The following CCDC73 variants were observed in gnomAD, a reference collection of about 807,000 sequenced individuals.
CCDC73 encodes the protein coiled-coil domain containing 73.
CCDC73 carries 95 observed loss-of-function variants against 116.5 expected under a neutral mutation model. That is an observed-to-expected ratio of 0.82 (90% CI 0.69 to 0.97). The LOEUF is 0.97. CCDC73 is among the 50% of genes least tolerant of loss of function. CCDC73 has a pLI of 0.00. For synonymous variants in CCDC73, 398 were observed against 401.3 expected, an observed-to-expected ratio of 0.99 and a Z score of 0.10; for missense variants, 1,066 against 1,206.8, an observed-to-expected ratio of 0.88 and a Z score of 1.73.
In CCDC73 at chr11:32,738,164, G is replaced by A. The variant is rs559647961; in HGVS notation, c.136-20017C>T. ...CTGTGAATAGTGCTACAATAAACAC[G>A]GGAGTACAGATATCTCTTTGATACA... On this transcript the variant is annotated intron_variant, in intron 2 of 17. Coordinates refer to ENST00000335185, the MANE Select transcript of CCDC73 (RefSeq NM_001008391.4). Among the ~76,000 whole-genome samples the A allele has an allele frequency of 1.1e-4, 17 of 152,290 alleles. No homozygotes were observed. The South Asian group carries it at 2.9e-3, about 26-fold the overall frequency.
chr11:32,795,811 TC>T (rs1987936879), upstream of CCDC73, among the ~76,000 whole-genome samples: 1 of 151,780 alleles, frequency 6.6e-6, no homozygotes, highest in East Asian at 1.9e-4. Context: ...TGCCTCAGCC[TC>T]CCGAGTAGCT....
chr11:32,760,235 G>T lies in CCDC73; in HGVS notation c.9C>A (p.Ser3Arg), dbSNP rs1185903877. 1 of 1,554,212 alleles carries T rather than the reference G, an allele frequency of 6.4e-7. No homozygotes were observed. Among genetic ancestry groups the T allele is most frequent in the African/African-American group, 1.4e-5 (1 of 72,116 alleles). The change falls in exon 2 of 18, where the codon AGC becomes AGA. Residue 3 changes from serine to arginine, a missense_variant. Physicochemically the swap from Ser to Arg is moderately radical, Grantham distance 110. Coordinates refer to ENST00000335185, the MANE Select transcript of CCDC73 (RefSeq NM_001008391.4). ...TAGATGATGACTCAGTATTGAAGTT[G>T]CTTTCCATATTAATATTTATTTCCT... ME[S>R]NFNTESSSTF... is the part of the protein sequence containing the mutation.
chr11:32,712,445 G>C (rs1260578232), intron 3 of CCDC73, among the ~76,000 whole-genome samples: 1 of 152,000 alleles, frequency 6.6e-6, no homozygotes, highest in African/African-American at 2.4e-5. Flanking sequence ...AATAAGCATT[G>C]AAGTGATGGA....
At chr11:32,820,501 T>C in the CCDC73 span, among the ~76,000 whole-genome samples, 4 of 152,142 alleles carry the variant, frequency 2.6e-5, no homozygotes, top group Non-Finnish European at 5.9e-5. Context: ...AATATAGAAA[T>C]AGCTGAAGAG....
chr11:32,762,683 G>A (rs1051595959), intron 1 of CCDC73, among the ~76,000 whole-genome samples: 2 of 152,166 alleles, frequency 1.3e-5, no homozygotes, highest in African/African-American at 4.8e-5. Flanking sequence ...CTCCCAGCAT[G>A]AGCGACGCAG....
chr11:32,693,830 T>C (rs1001685856), intron 6 of CCDC73, among the ~76,000 whole-genome samples: 1 of 152,224 alleles, frequency 6.6e-6, no homozygotes, highest in South Asian at 2.1e-4. Context: ...ATTATCTCAA[T>C]AGATGCAGAA....
At chr11:32,794,789 G>A (rs954239455), upstream of CCDC73, 1 of 152,136 alleles carries the variant, frequency 6.6e-6, no homozygotes, top group African/African-American at 2.4e-5. Flanking sequence ...AAGATACCTG[G>A]ATATTTGATG....
intron 9 of CCDC73, among the ~76,000 whole-genome samples, chr11:32,656,383 T>G (rs1855873058): frequency 6.6e-6 from 1 of 152,052 alleles, no homozygotes; most frequent in Non-Finnish European, 1.5e-5. Context: ...CCGGCCAGTT[T>G]TTCTACATTA....
chr11:32,637,233 G>C (rs1468898519), intron 13 of CCDC73, among the ~76,000 whole-genome samples: 1 of 151,550 alleles, frequency 6.6e-6, no homozygotes, highest in Non-Finnish European at 1.5e-5. Flanking sequence ...GGCTGGTCTC[G>C]AACCCCTGAC....
rs868584957 is a variant in CCDC73 at position 32,758,657 on chromosome 11, C to A, written c.135+1452G>T. ...CTTGGGTAATAAAAGAAAAAAAAAA[C>A]GCTATTCCTTTTCTAATCTGAAATT... On this transcript the variant is annotated intron_variant, in intron 2 of 17. Coordinates refer to ENST00000335185, the MANE Select transcript of CCDC73 (RefSeq NM_001008391.4). 34 of 263,526 alleles carry A rather than the reference C, an allele frequency of 1.3e-4. 1 individual carries two copies. Among genetic ancestry groups the A allele is most frequent in the South Asian group, 6.6e-4 (17 of 25,566 alleles). The allele number at this position is 263,526 out of a possible 1,614,324, so 16.3% of individuals were successfully genotyped here.
At chr11:32,786,573 A>C (rs955131592) in intron 1 of CCDC73, among the ~76,000 whole-genome samples, 1 of 149,190 alleles carries the variant, frequency 6.7e-6, no homozygotes, top group African/African-American at 2.4e-5. Flanking sequence ...AAAATGCTTA[A>C]AGCATCATTT....
At chr11:32,692,597 C>T (rs1048593260) in intron 6 of CCDC73, among the ~76,000 whole-genome samples, 3 of 152,186 alleles carry the variant, frequency 2.0e-5, no homozygotes, top group Non-Finnish European at 4.4e-5. Flanking sequence ...TATCCCATTA[C>T]TCCCAATCTG....
chr11:32,774,372 G>T (rs1446721223), intron 1 of CCDC73, among the ~76,000 whole-genome samples: 3 of 151,996 alleles, frequency 2.0e-5, no homozygotes, highest in Non-Finnish European at 2.9e-5. Flanking sequence ...TTAAATCATT[G>T]TCTATTCTCT....
At chr11:32,812,048 T>A in the CCDC73 span, among the ~76,000 whole-genome samples, 1 of 151,846 alleles carries the variant, frequency 6.6e-6, no homozygotes, top group African/African-American at 2.4e-5. Context: ...AGTTGCTGAG[T>A]GGTAAGTTAT....
intron 9 of CCDC73, among the ~76,000 whole-genome samples, chr11:32,668,085 T>C (rs188895365): frequency 5.1e-4 from 78 of 152,324 alleles, no homozygotes; most frequent in Non-Finnish European, 9.1e-4. Context: ...TAATAATCCA[T>C]GCAACCAGTA....
At chr11:32,730,914 C>A (rs983751717) in intron 2 of CCDC73, among the ~76,000 whole-genome samples, 1 of 152,140 alleles carries the variant, frequency 6.6e-6, no homozygotes, top group African/African-American at 2.4e-5. Context: ...TGGGGCTTGT[C>A]GGACAGTAAG....
the CCDC73 span, among the ~76,000 whole-genome samples, chr11:32,812,252 G>T: frequency 2.0e-5 from 3 of 152,204 alleles, no homozygotes; most frequent in Non-Finnish European, 4.4e-5. Flanking sequence ...GAATGGCTGG[G>T]TGCGGTGGCT....
At chr11:32,618,364 G>C (rs138102795) in intron 14 of CCDC73, among the ~76,000 whole-genome samples, 175 of 152,226 alleles carry the variant, frequency 1.1e-3, no homozygotes, top group Non-Finnish European at 2.1e-3. Flanking sequence ...CTTTTTGGTA[G>C]AGCGATTTAT....
the CCDC73 span, among the ~76,000 whole-genome samples, chr11:32,825,295 C>CTTTT: frequency 9.3e-5 from 6 of 64,448 alleles, no homozygotes; most frequent in African/African-American, 1.4e-4. Context: ...CTGATGCAGA[C>CTTTT]TTTTTTTTTT....
Sources: gnomAD v4.1 joint callset for allele counts (sites outside exome capture counted in the v4.1 genomes callset) on GRCh38, gnomAD v4.1.1 for gene constraint, MANE v1.5 for transcripts, NCBI Gene and HGNC (gene_info 2026-07-23, HGNC 2026-07-21) for gene names.